LAYN: variants seen among roughly 807,000 people sequenced by gnomAD.
The protein encoded by LAYN is layilin.
Under a neutral mutation model 43.6 loss-of-function variants are expected in LAYN, and 38 were observed. The ratio of observed to expected loss-of-function variants is 0.87; its 90% CI spans 0.67 to 1.14. LAYN has a LOEUF of 1.14. LAYN is among the 50% of genes most tolerant of loss of function. The pLI is 0.00. For missense variants in LAYN, 479 were observed against 463.8 expected (o/e 1.03, Z -0.30); for synonymous variants, 168 against 172.9 (o/e 0.97, Z 0.22).
chr11:111,558,490 A>G (rs571745375), intron 6 of LAYN, among the ~76,000 whole-genome samples: 1 of 152,282 alleles, frequency 6.6e-6, no homozygotes. Context: ...AATGTTACCT[A>G]TTATTGGGAT....
Position 111,540,724 on chromosome 11 carries a change from G to C in LAYN, c.-120G>C. 1 of 954,012 alleles carries C rather than the reference G, an allele frequency of 1.0e-6. No homozygotes were observed. The highest frequency in any genetic ancestry group is 1.5e-6 in the Non-Finnish European group (1 of 680,704). The allele number at this position is 954,012 out of a possible 1,614,324, so 59.1% of individuals were successfully genotyped here. ...GCGCCCTCCCCCCCGCCTCCCGTGC[G>C]GTCCGTCGGTGGCCTAGAGATGCTG... is the stretch of plus-strand genomic sequence containing the variant. On this transcript the variant is annotated 5_prime_UTR_variant, in exon 1 of 7. Transcript: ENST00000375614.
intron 5 of LAYN, 138 bp downstream of exon 5, chr11:111,555,428 A>G: frequency 1.6e-6 from 1 of 629,530 alleles, no homozygotes; most frequent in Non-Finnish European, 2.8e-6. Flanking sequence ...TGGCTTTGCA[A>G]AAGCTGTACT....
chr11:111,550,704 G>C (rs1157593968), intron 3 of LAYN, among the ~76,000 whole-genome samples: 2 of 152,166 alleles, frequency 1.3e-5, no homozygotes, highest in East Asian at 1.9e-4. Flanking sequence ...CGTTGTCTCA[G>C]GCGGGGAGAT....
At chr11:111,557,184 A>G (rs1428189835) in intron 5 of LAYN, among the ~76,000 whole-genome samples, 1 of 152,136 alleles carries the variant, frequency 6.6e-6, no homozygotes, top group Non-Finnish European at 1.5e-5. Flanking sequence ...CTCTGAAAAA[A>G]AAAACAAAAA....
chr11:111,541,572 G>A (rs1334389712), intron 1 of LAYN: 1 of 1,536,210 alleles, frequency 6.5e-7, no homozygotes, highest in African/African-American at 1.4e-5. Flanking sequence ...CCTCGGATTT[G>A]GACCTCAGAG....
intron 2 of LAYN, among the ~76,000 whole-genome samples, chr11:111,548,859 A>G (rs1430493019): frequency 6.6e-6 from 1 of 152,218 alleles, no homozygotes; most frequent in African/African-American, 2.4e-5. Flanking sequence ...TAAACGCTCC[A>G]TAAGATCCAA....
intron 2 of LAYN, among the ~76,000 whole-genome samples, chr11:111,547,629 T>G (rs1373966367): frequency 6.6e-6 from 1 of 152,190 alleles, no homozygotes; most frequent in Non-Finnish European, 1.5e-5. Context: ...ACACCACATA[T>G]GGCACAGGCA....
intron 3 of LAYN, among the ~76,000 whole-genome samples, chr11:111,552,322 A>G (rs897691927): frequency 2.0e-5 from 3 of 152,140 alleles, no homozygotes; most frequent in African/African-American, 7.2e-5. Context: ...TTAACTACCT[A>G]TTTATAAGGC....
At chr11:111,556,622 GA>G (rs1296987958) in intron 5 of LAYN, among the ~76,000 whole-genome samples, 1 of 152,216 alleles carries the variant, frequency 6.6e-6, no homozygotes, top group East Asian at 1.9e-4. Flanking sequence ...ACATATATGT[GA>G]AAAAAGTACA....
At chr11:111,557,757 C>T in intron 6 of LAYN, 114 bp downstream of exon 6, 1 of 855,830 alleles carries the variant, frequency 1.2e-6, no homozygotes, top group Non-Finnish European at 2.0e-6. Context: ...ATCACCATTG[C>T]AGATTGGAGA....
rs192118630 is a variant in LAYN, at chr11:111,559,372, A to G, written c.762-723A>G. On this transcript the variant is annotated intron_variant, in intron 6 of 6. Coordinates refer to ENST00000375614, the MANE Select transcript of LAYN (RefSeq NM_178834.5). ...TTAATCCTGCTGTTTTATCTCTTAC[A>G]TTCATAATGGAAGGACATGCTAAAT... 2.7e-3 allele frequency among the ~76,000 whole-genome samples: 414 copies of G among 152,272 alleles called. 1 individual carries two copies. Among genetic ancestry groups the G allele is most frequent in the Non-Finnish European group, 4.1e-3 (282 of 68,020 alleles).
chr11:111,540,908 C>A lies in LAYN; in HGVS notation c.65C>A (p.Ala22Glu), dbSNP rs1867521903. 1 of 1,531,972 alleles carries A rather than the reference C, an allele frequency of 6.5e-7. No homozygotes were observed. Among genetic ancestry groups the A allele is most frequent in the African/African-American group, 1.4e-5 (1 of 72,850 alleles). The allele number at this position is 1,531,972 out of a possible 1,614,324, so 94.9% of individuals were successfully genotyped here. Reference sequence around the variant, plus strand: ...GTGCTGCTGGTGGGGCTGCGGGCCGCGACGGGTCGCCTGCTGAGTGGTGAG... The same window carrying A: ...GTGCTGCTGGTGGGGCTGCGGGCCGAGACGGGTCGCCTGCTGAGTGGTGAG... ...LAVLLVGLRA[A>E]TGRLLSGQPV... The change falls in exon 1 of 7, where the codon GCG becomes GAG. Residue 22 changes from alanine (A) to glutamate (E), a missense_variant. Coordinates refer to ENST00000375614, the MANE Select transcript of LAYN (RefSeq NM_178834.5).
chr11:111,542,832 C>T (rs1398160877), intron 1 of LAYN, among the ~76,000 whole-genome samples: 2 of 152,194 alleles, frequency 1.3e-5, no homozygotes, highest in African/African-American at 2.4e-5. Context: ...TTCCCAGCAC[C>T]TCGCACAGTG....
rs533292905 is a variant in LAYN at position 111,555,691 on chromosome 11, T to C, written c.658+401T>C. The stretch of plus-strand genomic sequence containing the variant: ...AAAGAGAAGAAATAGACAAAAACAT[T>C]TAAAATGTTAAATCATAAAAGGTAA... On this transcript the variant is annotated intron_variant, in intron 5 of 6. Coordinates refer to ENST00000375614, the MANE Select transcript of LAYN (RefSeq NM_178834.5). Among the ~76,000 whole-genome samples the C allele has an allele frequency of 4.6e-4, 70 of 152,230 alleles. 2 individuals carry two copies. The South Asian group carries it at 0.015, about 32-fold the overall frequency.
chr11:111,543,011 T>C (rs1469357304), intron 1 of LAYN, among the ~76,000 whole-genome samples: 1 of 152,210 alleles, frequency 6.6e-6, no homozygotes, highest in Non-Finnish European at 1.5e-5. Flanking sequence ...TTGTCTGAGA[T>C]GATCTTCAGC....
intron 4 of LAYN, 41 bp downstream of exon 4, chr11:111,554,634 T>C: frequency 6.5e-7 from 1 of 1,527,838 alleles, no homozygotes; most frequent in South Asian, 1.1e-5. Flanking sequence ...TGGGGCTGTT[T>C]CATAGCCCCT....
Position 111,561,551 on chromosome 11 carries a change from G to A in LAYN, c.*1093G>A, listed in dbSNP as rs556603336. 6.6e-6 allele frequency: 1 copy of A among 152,176 alleles called. No homozygotes were observed. The highest frequency in any genetic ancestry group is 2.1e-4 in the South Asian group (1 of 4,820). 9.4% of individuals were successfully genotyped at this position (152,176 alleles called of 1,614,324 possible). ...GACCTCATTGTTTCAATTGTGTTTG[G>A]CCTCAAATTCAGAGAAAAGTTTCTC... On this transcript the variant is annotated 3_prime_UTR_variant, in exon 7 of 7. Transcript: ENST00000375614.
intron 3 of LAYN, among the ~76,000 whole-genome samples, chr11:111,552,014 GTA>G (rs1193183443): frequency 0.032 from 1,855 of 57,322 alleles, 19 homozygotes; most frequent in South Asian, 0.1. Flanking sequence ...ATGTGTGTGT[GTA>G]TATATATATA....
intron 5 of LAYN, among the ~76,000 whole-genome samples, chr11:111,556,583 C>T (rs1389531543): frequency 6.6e-6 from 1 of 152,278 alleles, no homozygotes. Flanking sequence ...GAACCAGGGA[C>T]AAAGGCCCAT....
Sources: gnomAD v4.1 joint callset for allele counts (sites outside exome capture counted in the v4.1 genomes callset) on GRCh38, gnomAD v4.1.1 for gene constraint, MANE v1.5 for transcripts, NCBI Gene and HGNC (gene_info 2026-07-23, HGNC 2026-07-21) for gene names.